The following WDR59 variants were observed in gnomAD, a reference collection of about 807,000 sequenced individuals.
The protein encoded by WDR59 is WD repeat domain 59.
WDR59 carries 100 observed loss-of-function variants against 131.2 expected under a neutral mutation model. That is an observed-to-expected ratio of 0.76 (90% confidence interval 0.65 to 0.90). WDR59 has a LOEUF of 0.90. Ranked by LOEUF, WDR59 falls within the 40% of genes least tolerant of loss-of-function variation. The pLI, the probability that WDR59 is intolerant of heterozygous loss-of-function variation, is 0.00. For synonymous variants in WDR59, 601 were observed against 466.2 expected, an observed-to-expected ratio of 1.29 and a Z score of -3.72; for missense variants, 1,203 against 1,262.2, an observed-to-expected ratio of 0.95 and a Z score of 0.71.
chr16:74,912,584 G>A (rs569493667), intron 13 of WDR59, among the ~76,000 whole-genome samples: 12 of 152,244 alleles, frequency 7.9e-5, no homozygotes, highest in South Asian at 4.1e-4. Context: ...CAAAGTTGCT[G>A]AGACCAGCTC....
At chr16:74,934,546 T>C (rs1020437746) in intron 8 of WDR59, among the ~76,000 whole-genome samples, 1 of 152,176 alleles carries the variant, frequency 6.6e-6, no homozygotes, top group Non-Finnish European at 1.5e-5. Context: ...GTAGTTATTA[T>C]AAATTAACCG....
chr16:74,979,681 C>T (rs1157110436), intron 1 of WDR59, among the ~76,000 whole-genome samples: 6 of 151,158 alleles, frequency 4.0e-5, no homozygotes, highest in East Asian at 2.0e-4. Flanking sequence ...GCTGGGATTA[C>T]AGGCACCCAC....
intron 18 of WDR59, chr16:74,899,699 G>C: frequency 7.8e-7 from 1 of 1,289,082 alleles, no homozygotes; most frequent in Non-Finnish European, 1.0e-6. Flanking sequence ...GCACAGTACC[G>C]GGAAGTCGTT....
chr16:74,941,670 C>T (rs549635214), intron 7 of WDR59, among the ~76,000 whole-genome samples: 43 of 147,120 alleles, frequency 2.9e-4, no homozygotes, highest in African/African-American at 3.3e-4. Flanking sequence ...CCAGCCTGGA[C>T]GACAGAATGA....
In WDR59 at chr16:74,949,798, G is replaced by A. The variant is rs778261535; in HGVS notation, c.327C>T (p.Ser109=). Residue 109 remains serine, a splice_region_variant and synonymous_variant, in exon 5 of 26, where the codon AGC becomes AGT. Coordinates refer to ENST00000262144, the MANE Select transcript of WDR59 (RefSeq NM_030581.4). ...GCTCAAACACCGCCCAGTCCAAGTC[G>A]CTGGGACACAAAGAATAAACAGAAC... is the stretch of plus-strand genomic sequence containing the variant. The part of the protein sequence containing the change: ...TTLQGHTRVI[S]DLDWAVFEPD... 1.1e-5 allele frequency: 18 copies of A among 1,613,618 alleles called. No individual in the cohort carries two copies. Among genetic ancestry groups the A allele is most frequent in the South Asian group, 1.1e-4 (10 of 91,064 alleles).
chr16:74,954,344 G>A (rs2033173296), intron 3 of WDR59, among the ~76,000 whole-genome samples: 1 of 151,886 alleles, frequency 6.6e-6, no homozygotes, highest in African/African-American at 2.4e-5. Flanking sequence ...GGAGGTGGAG[G>A]TTGTGGTGAG....
In WDR59 at chr16:74,950,040, C is replaced by G; in HGVS notation, c.327-242G>C. 5 of 533,928 alleles carry G rather than the reference C, an allele frequency of 9.4e-6. No homozygotes were observed. In the Admixed American group the frequency reaches 1.1e-4, roughly 12 times the overall value. 33.1% of individuals were successfully genotyped at this position (533,928 alleles called of 1,614,324 possible). ...CCAGAAAAGAAATGGAGTGCTTCAACTTAAAACATTCTCTCTCTGGGCTGA... is the reference window on the plus strand; with the variant it reads ...CCAGAAAAGAAATGGAGTGCTTCAAGTTAAAACATTCTCTCTCTGGGCTGA... On this transcript the variant is annotated intron_variant, in intron 4 of 25. Transcript: ENST00000262144.
intron 18 of WDR59, among the ~76,000 whole-genome samples, chr16:74,902,981 T>A (rs1251154062): frequency 6.6e-6 from 1 of 152,082 alleles, no homozygotes; most frequent in East Asian, 1.9e-4. Flanking sequence ...TGGTCTGGTC[T>A]CAAACACCAG....
rs554884802 is a variant in WDR59, at chr16:74,948,272, T to C, written c.445+247A>G. Among the ~76,000 whole-genome samples, 34 of 152,340 alleles carry C rather than the reference T, an allele frequency of 2.2e-4. No individual in the cohort carries two copies. In the South Asian group the frequency reaches 6.8e-3, roughly 31 times the overall value. ...TACAAACAAATCATCTTGGCTCTTG[T>C]CCTTGGACTCTGATATGAGGTCCTG... On this transcript the variant is annotated intron_variant, in intron 6 of 25. Coordinates refer to ENST00000262144, the MANE Select transcript of WDR59 (RefSeq NM_030581.4).
chr16:74,957,208 G>A (rs2033336460), intron 2 of WDR59, among the ~76,000 whole-genome samples: 1 of 151,590 alleles, frequency 6.6e-6, no homozygotes, highest in Non-Finnish European at 1.5e-5. Flanking sequence ...AGCCTTCCGG[G>A]TAGCTGGGAT....
chr16:74,958,758 C>A (rs1049235392), intron 2 of WDR59, among the ~76,000 whole-genome samples: 1 of 151,914 alleles, frequency 6.6e-6, no homozygotes, highest in Admixed American at 6.6e-5. Context: ...AACTAGGACA[C>A]CTGTTTGAAA....
At chr16:74,939,873 A>C (rs1411454159) in intron 7 of WDR59, among the ~76,000 whole-genome samples, 2 of 152,170 alleles carry the variant, frequency 1.3e-5, no homozygotes, top group East Asian at 3.9e-4. Context: ...GCATACCTGC[A>C]GTCCCAGCTA....
chr16:74,900,291 CAG>C (rs1201774973), intron 18 of WDR59, among the ~76,000 whole-genome samples: 1 of 151,958 alleles, frequency 6.6e-6, no homozygotes, highest in Admixed American at 6.6e-5. Context: ...GGACTATCTT[CAG>C]AGTGACACCA....
At chr16:74,965,605 A>C (rs73609906) in intron 2 of WDR59, among the ~76,000 whole-genome samples, 168 bp downstream of exon 2, 11,343 of 152,288 alleles carry the variant, frequency 0.074, 494 homozygotes, top group Middle Eastern at 0.13. Context: ...AGAGATTAAA[A>C]TAAACTGCAA....
rs570310779 is a variant in WDR59 at position 74,975,680 on chromosome 16, A to G, written c.54+9284T>C. Among the ~76,000 whole-genome samples, 5 of 151,458 alleles carry G rather than the reference A, an allele frequency of 3.3e-5. No individual in the cohort carries two copies. The South Asian group carries it at 1.0e-3, about 32-fold the overall frequency. ...ACTCCGTCTCAAAAAAAAAAAAAGT[A>G]AAAAAAAGAAAAAAAAATTTAAAAA... On this transcript the variant is annotated intron_variant, in intron 1 of 25. Coordinates refer to ENST00000262144, the MANE Select transcript of WDR59 (RefSeq NM_030581.4).
At chr16:74,974,575 C>T (rs907653180) in intron 1 of WDR59, among the ~76,000 whole-genome samples, 6 of 152,208 alleles carry the variant, frequency 3.9e-5, no homozygotes, top group Admixed American at 3.3e-4. Context: ...CTCTTGGCTG[C>T]TATCTAGAAC....
intron 1 of WDR59, among the ~76,000 whole-genome samples, chr16:74,969,781 A>G (rs922255204): frequency 2.0e-5 from 3 of 151,486 alleles, no homozygotes; most frequent in Admixed American, 2.0e-4. Context: ...GCTGGTCTTG[A>G]ACTCCTGACC....
intron 8 of WDR59, among the ~76,000 whole-genome samples, chr16:74,936,751 A>T (rs2031831866): frequency 6.6e-6 from 1 of 151,120 alleles, no homozygotes; most frequent in Non-Finnish European, 1.5e-5. Context: ...GCTTGAACCC[A>T]GGAGCGGAGG....
chr16:74,944,412 G>C (rs548591658), intron 6 of WDR59, among the ~76,000 whole-genome samples: 32 of 150,642 alleles, frequency 2.1e-4, no homozygotes, highest in African/African-American at 5.9e-4. Context: ...GTTGCAGTGA[G>C]CTAAGACTGC....
Sources: gnomAD v4.1 joint callset for allele counts (sites outside exome capture counted in the v4.1 genomes callset) on GRCh38, gnomAD v4.1.1 for gene constraint, MANE v1.5 for transcripts, NCBI Gene and HGNC (gene_info 2026-07-23, HGNC 2026-07-21) for gene names.